SCN2A: variants seen among roughly 807,000 people sequenced by gnomAD.
The protein encoded by SCN2A is sodium channel protein type 2 subunit alpha.
A neutral mutation model predicts 188.7 loss-of-function variants in SCN2A; 20 were observed. The ratio of observed to expected loss-of-function variants is 0.11; its 90% CI spans 0.07 to 0.15. The LOEUF (loss-of-function observed/expected upper bound fraction) is 0.15. SCN2A is among the 10% of genes least tolerant of loss of function. The pLI is 1.00. For missense variants in SCN2A, 1,278 were observed against 2,445.0 expected, an observed-to-expected ratio of 0.52 and a Z score of 10.07; for synonymous variants, 804 against 833.1, an observed-to-expected ratio of 0.97 and a Z score of 0.60.
rs757332127 is a variant in SCN2A at position 165,354,266 on chromosome 2, C to T, written c.2994C>T (p.Asn998=). ...SDNLAATDDD[N]EMNNLQIAVG... is the part of the protein sequence containing the mutation. Reference sequence around the variant, plus strand: ...ATCTTGCTGCCACTGATGATGATAACGAAATGAATAATCTCCAGATTGCTG... The same window carrying T: ...ATCTTGCTGCCACTGATGATGATAATGAAATGAATAATCTCCAGATTGCTG... The change falls in exon 17 of 27, where the codon AAC becomes AAT. Residue 998 remains asparagine (N), a synonymous_variant. Coordinates refer to ENST00000375437, the MANE Select transcript of SCN2A (RefSeq NM_001040142.2). The T allele has an allele frequency of 1.2e-6, 2 of 1,613,700 alleles. No individual in the cohort carries two copies. Among genetic ancestry groups the T allele is most frequent in the East Asian group, 2.2e-5 (1 of 44,858 alleles).
intron 1 of SCN2A, chr2:165,285,356 A>C (rs902999838): frequency 5.9e-6 from 1 of 168,822 alleles, no homozygotes; most frequent in African/African-American, 2.4e-5. Flanking sequence ...TTTGACAAAG[A>C]TGGAACAATT....
At chr2:165,305,078 A>G (rs1559349377) in intron 3 of SCN2A, among the ~76,000 whole-genome samples, 1 of 152,236 alleles carries the variant, frequency 6.6e-6, no homozygotes, top group African/African-American at 2.4e-5. Flanking sequence ...TGATATGGGG[A>G]TGGAAAAAAG....
chr2:165,309,595 C>G, intron 6 of SCN2A, 152 bp downstream of exon 6: 1 of 1,013,972 alleles, frequency 9.9e-7, no homozygotes, highest in Non-Finnish European at 1.5e-6. Context: ...GGATTTGATT[C>G]TTTGCTTTTT....
intron 1 of SCN2A, among the ~76,000 whole-genome samples, chr2:165,277,074 T>C (rs1405719680): frequency 6.6e-6 from 1 of 151,970 alleles, no homozygotes; most frequent in Non-Finnish European, 1.5e-5. Flanking sequence ...AAAAAATTAG[T>C]TTAATTTTGT....
chr2:165,389,912 G>A lies in SCN2A; in HGVS notation c.*88G>A, dbSNP rs574867892. 2.0e-4 allele frequency: 311 copies of A among 1,529,276 alleles called. No homozygotes were observed. The highest frequency in any genetic ancestry group is 1.3e-3 in the Middle Eastern group (6 of 4,588). 94.7% of individuals were successfully genotyped at this position (1,529,276 alleles called of 1,614,324 possible). A position where few individuals can be genotyped will look rare whatever the true frequency, so the allele number is the denominator to read the frequency against. ...TGTGTCAACAGGACTCCCACAGGAG[G>A]TCTATGCCAAACTGACTGTTTTTAC... On this transcript the variant is annotated 3_prime_UTR_variant, in exon 27 of 27. Transcript: ENST00000375437. The surrounding 1 kb of genome is among the most constrained non-coding windows in gnomAD (Gnocchi z 4.2).
intron 17 of SCN2A, 38 bp downstream of exon 17, chr2:165,354,709 A>G (rs776441136): frequency 8.7e-6 from 14 of 1,601,896 alleles, no homozygotes; most frequent in Middle Eastern, 1.7e-4. Flanking sequence ...TTGGTGTTAT[A>G]TAATTCTGTT....
chr2:165,342,988 CTTTGAAA>C (rs1699393107), intron 15 of SCN2A, among the ~76,000 whole-genome samples: 1 of 152,166 alleles, frequency 6.6e-6, no homozygotes, highest in South Asian at 2.1e-4. Flanking sequence ...CCAAATCACT[CTTTGAAA>C]GAGTTAACTG....
chr2:165,304,375 G>A (rs1012224704), intron 3 of SCN2A, among the ~76,000 whole-genome samples: 6 of 152,194 alleles, frequency 3.9e-5, no homozygotes, highest in African/African-American at 1.4e-4. Context: ...GATTATAGGC[G>A]AGAGCCATGG....
intron 12 of SCN2A, among the ~76,000 whole-genome samples, chr2:165,323,777 T>G (rs1453034205): frequency 1.3e-5 from 2 of 152,196 alleles, no homozygotes; most frequent in Non-Finnish European, 2.9e-5. Flanking sequence ...AAGCAACAAT[T>G]TATCAAGCAT....
At chr2:165,336,113 G>T (rs1559370964) in intron 14 of SCN2A, among the ~76,000 whole-genome samples, 1 of 151,662 alleles carries the variant, frequency 6.6e-6, no homozygotes, top group Non-Finnish European at 1.5e-5. Context: ...TTTTATCAAG[G>T]ATGTGGAAAA....
chr2:165,324,490 C>T (rs764328450), intron 12 of SCN2A, among the ~76,000 whole-genome samples: 1 of 152,132 alleles, frequency 6.6e-6, no homozygotes, highest in East Asian at 1.9e-4. Context: ...GGCCTCTCCC[C>T]ACCTCCTTCT....
At chr2:165,306,080 T>A (rs936593061) in intron 3 of SCN2A, among the ~76,000 whole-genome samples, 4 of 152,104 alleles carry the variant, frequency 2.6e-5, no homozygotes, top group African/African-American at 9.7e-5. Context: ...AGGAAAGAAT[T>A]GGTCTCAATG....
At chr2:165,257,750 G>A (rs2892944) in intron 1 of SCN2A, among the ~76,000 whole-genome samples, 125,139 of 152,072 alleles carry the variant, frequency 0.82, 51,556 homozygotes, top group Non-Finnish European at 0.84. Context: ...GCTGGCCAGG[G>A]TGGTCTCGAA....
At position 165,362,255 on chromosome 2, in the gene SCN2A, GA is replaced by G. The variant is rs1250895930; in HGVS notation, c.3400-2883del. On this transcript the variant is annotated intron_variant, in intron 17 of 26. Transcript: ENST00000375437. ...TCAATAGATAAATATTTGGCTTTAG[GA>G]AAAAGGTATCTTAATTCTACATCAG... 9.2e-5 allele frequency among the ~76,000 whole-genome samples: 14 copies of G among 151,944 alleles called. 1 individual carries two copies. The highest frequency in any genetic ancestry group is 9.2e-4 in the Admixed American group (14 of 15,244).
chr2:165,359,519 T>C (rs372680393), intron 17 of SCN2A, among the ~76,000 whole-genome samples: 1 of 152,232 alleles, frequency 6.6e-6, no homozygotes, highest in East Asian at 1.9e-4. Context: ...CCTCACATTA[T>C]GGCAATTTTT....
intron 3 of SCN2A, among the ~76,000 whole-genome samples, chr2:165,303,270 G>GTTTTGTT (rs1553565508): frequency 1.1e-5 from 1 of 91,330 alleles, no homozygotes; most frequent in Admixed American, 1.5e-4. Flanking sequence ...TGTTATTTGA[G>GTTTTGTT]TTTTTTTTTT....
intron 1 of SCN2A, chr2:165,266,677 C>T (rs1378053060): frequency 1.3e-5 from 2 of 152,054 alleles, no homozygotes; most frequent in Non-Finnish European, 2.9e-5. Context: ...TGGGCTCTTG[C>T]AATAGGCTTT....
At position 165,316,208 on chromosome 2, in the gene SCN2A, C is replaced by A. The variant is rs1697739196; in HGVS notation, c.1671+450C>A. Among the ~76,000 whole-genome samples the A allele has an allele frequency of 2.6e-5, 4 of 152,216 alleles. No individual in the cohort carries two copies. In the South Asian group the frequency reaches 8.3e-4, roughly 32 times the overall value. The stretch of plus-strand genomic sequence containing the variant: ...TCACTTGCCAAGTGCATTCTTCATG[C>A]CTTTGTTTCAAAGGGGACTGAAACA... On this transcript the variant is annotated intron_variant, in intron 11 of 26. Coordinates refer to ENST00000375437, the MANE Select transcript of SCN2A (RefSeq NM_001040142.2).
At chr2:165,357,246 C>T (rs1700225265) in intron 17 of SCN2A, among the ~76,000 whole-genome samples, 1 of 152,148 alleles carries the variant, frequency 6.6e-6, no homozygotes, top group African/African-American at 2.4e-5. Flanking sequence ...TTCAGACACT[C>T]GCATTTGAAA....
Sources: allele counts gnomAD v4.1 joint callset (sites outside exome capture counted in the v4.1 genomes callset), GRCh38; gene constraint gnomAD v4.1.1; non-coding constraint Gnocchi (gnomAD v3.1); transcripts MANE v1.5; gene names NCBI Gene and HGNC (gene_info 2026-07-23, HGNC 2026-07-21).